GCC2: variants seen among roughly 807,000 people sequenced by gnomAD.
GCC2 encodes the protein GRIP and coiled-coil domain containing 2, also known as GRIP and coiled-coil domain-containing protein 2.
GCC2 carries 120 observed loss-of-function variants against 210.6 expected under a neutral mutation model. The ratio of observed to expected loss-of-function variants is 0.57; its 90% CI spans 0.49 to 0.66. GCC2 has a LOEUF of 0.66. Ranked by LOEUF, GCC2 falls within the 30% of genes least tolerant of loss-of-function variation. The probability of loss-of-function intolerance (pLI) is 0.00; values close to 1 mark genes in which losing one functional copy is unlikely to be tolerated. For missense variants in GCC2, 1,868 were observed against 1,871.9 expected (o/e 1.00, Z 0.04); for synonymous variants, 703 against 652.7 (o/e 1.08, Z -1.17).
chr2:108,489,612 A>G (rs1682309545), intron 17 of GCC2, among the ~76,000 whole-genome samples: 1 of 152,114 alleles, frequency 6.6e-6, no homozygotes, highest in Non-Finnish European at 1.5e-5. Context: ...ATGAAATTCT[A>G]AATTTTAGAG....
intron 17 of GCC2, among the ~76,000 whole-genome samples, chr2:108,489,471 C>G (rs143240377): frequency 1.3e-5 from 2 of 151,504 alleles, no homozygotes; most frequent in Non-Finnish European, 2.9e-5. Flanking sequence ...GCCAAGATTG[C>G]GCCACTGCAC....
At chr2:108,483,007 A>T (rs964666608) in intron 11 of GCC2, 55 bp from the exon 12 acceptor site, 4 of 941,678 alleles carry the variant, frequency 4.2e-6, no homozygotes, top group Non-Finnish European at 3.4e-6. Context: ...GCCCCTTAAA[A>T]ATACCTTTTT....
At chr2:108,452,185 G>A (rs766627310) in intron 3 of GCC2, among the ~76,000 whole-genome samples, 1 of 152,208 alleles carries the variant, frequency 6.6e-6, no homozygotes, top group Non-Finnish European at 1.5e-5. Context: ...AAGAAAAGCA[G>A]TGAAGGAGGA....
At chr2:108,501,690 G>A (rs1682933981) in intron 22 of GCC2, among the ~76,000 whole-genome samples, 1 of 152,008 alleles carries the variant, frequency 6.6e-6, no homozygotes, top group Non-Finnish European at 1.5e-5. Context: ...AATTCCAATT[G>A]CTGGTCCCCA....
At chr2:108,479,120 C>T (rs1006276706) in intron 9 of GCC2, among the ~76,000 whole-genome samples, 9 of 151,994 alleles carry the variant, frequency 5.9e-5, no homozygotes, top group South Asian at 2.1e-4. Context: ...GCTGAGATCA[C>T]GCCACTGCAC....
chr2:108,454,420 C>T (rs1024119519), intron 4 of GCC2, among the ~76,000 whole-genome samples: 1 of 152,144 alleles, frequency 6.6e-6, no homozygotes, highest in Admixed American at 6.6e-5. Context: ...TCATTTTGTT[C>T]TTTATTTAGT....
intron 9 of GCC2, among the ~76,000 whole-genome samples, chr2:108,480,004 A>C (rs1425588973): frequency 6.7e-6 from 1 of 150,022 alleles, no homozygotes; most frequent in African/African-American, 2.4e-5. Flanking sequence ...AAAAAAAAAA[A>C]AAAAACGAAA....
In GCC2 at chr2:108,469,710, T is replaced by C. The variant is rs766775912; in HGVS notation, c.381T>C (p.Tyr127=). ...AGTTGGAACAATCACATATAAACTA[T>C]GTGAAAGAAATTGAAAATTTGAAAA... ...HKELEQSHIN[Y]VKEIENLKNE... The change falls in exon 6 of 23, where the codon TAT becomes TAC. Residue 127 remains tyrosine, a synonymous_variant. Transcript: ENST00000309863. 2.5e-6 allele frequency: 4 copies of C among 1,612,346 alleles called. No homozygotes were observed. The highest frequency in any genetic ancestry group is 1.7e-5 in the Admixed American group (1 of 59,908).
intron 7 of GCC2, chr2:108,473,107 G>A: frequency 2.4e-6 from 1 of 423,944 alleles, no homozygotes; most frequent in African/African-American, 2.1e-5. Context: ...ACCCAAGCAA[G>A]ATTGGTGTGA....
intron 4 of GCC2, among the ~76,000 whole-genome samples, chr2:108,457,466 C>G (rs1204909055): frequency 6.6e-6 from 1 of 151,760 alleles, no homozygotes; most frequent in African/African-American, 2.4e-5. Flanking sequence ...TTTAGCTTTT[C>G]TGGCTTTTTT....
At position 108,472,826 on chromosome 2, in the gene GCC2, G is replaced by A. The variant is rs779291530; in HGVS notation, c.2788-1G>A. The A allele has an allele frequency of 6.4e-7, 1 of 1,557,658 alleles. No individual in the cohort carries two copies. The highest frequency in any genetic ancestry group is 8.8e-7 in the Non-Finnish European group (1 of 1,139,288). ...GTTTTTTTTTCCCCTGTAAAATCTA[G>A]GATTCCTTAGCAAAATCACCTTCTG... On this transcript the variant is annotated splice_acceptor_variant, in intron 6 of 22. Transcript: ENST00000309863. LOFTEE classifies it high-confidence loss of function.
In GCC2 at chr2:108,470,769, T is replaced by C. The variant is rs1442812086; in HGVS notation, c.1440T>C (p.Tyr480=). Residue 480 remains tyrosine (Y), a synonymous_variant, in exon 6 of 23, where the codon TAT becomes TAC. Transcript: ENST00000309863. The part of the protein sequence containing the change: ...QQEKQEAILN[Y]ESLREIMEIL... Reference sequence around the variant, plus strand: ...AAAAGCAAGAAGCAATTTTAAATTATGAGAGTTTACGAGAGATTATGGAAA... The same window carrying C: ...AAAAGCAAGAAGCAATTTTAAATTACGAGAGTTTACGAGAGATTATGGAAA... 1.9e-6 allele frequency: 3 copies of C among 1,613,714 alleles called. No individual in the cohort carries two copies. Among genetic ancestry groups the C allele is most frequent in the Admixed American group, 1.7e-5 (1 of 59,970 alleles).
intron 15 of GCC2, chr2:108,486,310 G>T (rs1553441892): frequency 1.0e-5 from 6 of 573,018 alleles, no homozygotes; most frequent in South Asian, 2.1e-5. Context: ...TTTTTGAATT[G>T]ATGTTGGTTT....
intron 1 of GCC2, 93 bp from the exon 2 acceptor site, chr2:108,449,540 C>A: frequency 7.3e-7 from 1 of 1,361,264 alleles, no homozygotes; most frequent in Non-Finnish European, 1.0e-6. Context: ...CACTTGATTC[C>A]ATAGAAGGTT....
chr2:108,450,872 A>T (rs1679902317), intron 2 of GCC2, among the ~76,000 whole-genome samples, 156 bp from the exon 3 acceptor site: 1 of 152,084 alleles, frequency 6.6e-6, no homozygotes, highest in African/African-American at 2.4e-5. Context: ...ATAGAGCGAG[A>T]CTCTGTCTCA....
At position 108,468,483 on chromosome 2, in the gene GCC2, T is replaced by C. The variant is rs181021731; in HGVS notation, c.217-497T>C. ...GTTAAAAGAGCTGACTCTTGGCTTA[T>C]TGATTTTTTTTTCCATCTCATTAAT... On this transcript the variant is annotated intron_variant, in intron 4 of 22. Coordinates refer to ENST00000309863, the MANE Select transcript of GCC2 (RefSeq NM_181453.4). Among the ~76,000 whole-genome samples the C allele has an allele frequency of 5.3e-5, 8 of 151,866 alleles. No individual in the cohort carries two copies. In the East Asian group the frequency reaches 1.2e-3, roughly 22 times the overall value.
intron 15 of GCC2, 133 bp downstream of exon 15, chr2:108,486,041 T>TA (rs1682123316): frequency 1.8e-6 from 1 of 566,952 alleles, no homozygotes; most frequent in Non-Finnish European, 3.1e-6. Flanking sequence ...GTTACAACAA[T>TA]AAATCAAGTC....
intron 9 of GCC2, among the ~76,000 whole-genome samples, chr2:108,479,998 AAAAAAAAAAAACG>A (rs1681761388): frequency 4.5e-5 from 2 of 44,826 alleles, no homozygotes; most frequent in African/African-American, 5.5e-5. Flanking sequence ...AAAAAAAAAA[AAAAAAAAAAAACG>A]AAAAACCCCA....
At chr2:108,477,507 C>G (rs75108517) in intron 9 of GCC2, among the ~76,000 whole-genome samples, 3,811 of 152,254 alleles carry the variant, frequency 0.025, 66 homozygotes, top group African/African-American at 0.033. Flanking sequence ...AATTTTAATT[C>G]AGGGAGTCTC....
Sources: gnomAD v4.1 joint callset for allele counts (sites outside exome capture counted in the v4.1 genomes callset) on GRCh38, gnomAD v4.1.1 for gene constraint, MANE v1.5 for transcripts, NCBI Gene and HGNC (gene_info 2026-07-23, HGNC 2026-07-21) for gene names.